ASCC1: variants seen among roughly 807,000 people sequenced by gnomAD.
ASCC1 encodes the protein activating signal cointegrator 1 complex subunit 1.
In ASCC1, 35 loss-of-function variants were observed where a neutral mutation model predicts 46.6. The observed-to-expected ratio is 0.75, with a 90% CI of 0.57 to 0.99. ASCC1 has a LOEUF of 0.99. ASCC1 is among the 50% of genes least tolerant of loss of function. The pLI, the probability that ASCC1 is intolerant of heterozygous loss-of-function variation, is 0.00. For missense variants in ASCC1, 376 were observed against 428.7 expected, an observed-to-expected ratio of 0.88 and a Z score of 1.09; for synonymous variants, 143 against 146.6, an observed-to-expected ratio of 0.98 and a Z score of 0.18.
chr10:72,119,523 C>T (rs1374067213), intron 9 of ASCC1, among the ~76,000 whole-genome samples: 1 of 152,086 alleles, frequency 6.6e-6, no homozygotes, highest in African/African-American at 2.4e-5. Context: ...TTCCACCTAA[C>T]GGGGGTGATG....
intron 7 of ASCC1, among the ~76,000 whole-genome samples, chr10:72,149,417 G>A (rs190604804): frequency 7.9e-4 from 98 of 123,518 alleles, no homozygotes; most frequent in African/African-American, 2.6e-3. Context: ...CCGCCTGGGC[G>A]ACAGAGCGAG....
chr10:72,197,008 G>C lies in ASCC1; in HGVS notation c.311-19C>G, dbSNP rs1486516114. On this transcript the variant is annotated intron_variant, in intron 4 of 9. Transcript: ENST00000672957. ...GTGATTACTGTAAACAAAGAAGAAAGGGTAAACTGCTCAAGGACCCCCAAA... is the reference window on the plus strand; with the variant it reads ...GTGATTACTGTAAACAAAGAAGAAACGGTAAACTGCTCAAGGACCCCCAAA... 3.7e-6 allele frequency: 6 copies of C among 1,613,230 alleles called. No homozygotes were observed. The Admixed American group carries it at 8.3e-5, about 22-fold the overall frequency.
intron 5 of ASCC1, among the ~76,000 whole-genome samples, chr10:72,169,439 C>CA (rs747376205): frequency 2.5e-4 from 37 of 148,114 alleles, no homozygotes; most frequent in South Asian, 2.1e-4. Context: ...GATCCTGTCT[C>CA]AAAAAAAAAG....
intron 6 of ASCC1, among the ~76,000 whole-genome samples, chr10:72,155,419 G>A (rs1167927211): frequency 6.6e-6 from 1 of 152,112 alleles, no homozygotes. Context: ...TGAATTCACT[G>A]GAAAAAGGCA....
intron 1 of ASCC1, among the ~76,000 whole-genome samples, chr10:72,215,446 CAAG>C (rs1652334469): frequency 6.6e-6 from 1 of 152,042 alleles, no homozygotes. Flanking sequence ...CTTACAGAAC[CAAG>C]AAGAGGTTTC....
At chr10:72,188,548 GAAGT>G (rs991358364) in intron 5 of ASCC1, among the ~76,000 whole-genome samples, 2 of 152,120 alleles carry the variant, frequency 1.3e-5, no homozygotes, top group African/African-American at 2.4e-5. Context: ...AAAGGGAAGG[GAAGT>G]AAGGAAGGAA....
intron 5 of ASCC1, among the ~76,000 whole-genome samples, chr10:72,179,608 C>A (rs1482462298): frequency 6.6e-6 from 1 of 152,204 alleles, no homozygotes; most frequent in Non-Finnish European, 1.5e-5. Flanking sequence ...CTAGCTGTGG[C>A]ACCTTAGGCA....
chr10:72,165,570 G>C (rs1850234755), intron 5 of ASCC1, among the ~76,000 whole-genome samples: 1 of 152,200 alleles, frequency 6.6e-6, no homozygotes, highest in Non-Finnish European at 1.5e-5. Flanking sequence ...TCCTGTTCTT[G>C]GTTTACCTAA....
chr10:72,212,259 G>A (rs752853057), intron 2 of ASCC1: 1 of 191,072 alleles, frequency 5.2e-6, no homozygotes, highest in South Asian at 6.6e-5. Context: ...GTTGCAGAGA[G>A]CCCAGATCAC....
At chr10:72,153,689 G>A (rs1233743607) in intron 6 of ASCC1, among the ~76,000 whole-genome samples, 1 of 151,542 alleles carries the variant, frequency 6.6e-6, no homozygotes, top group Admixed American at 6.6e-5. Context: ...GCCTCCCAAA[G>A]TGCTGGGATT....
Position 72,096,593 on chromosome 10 carries a change from G to A in ASCC1, c.*741C>T. Reference sequence around the variant, plus strand: ...GGGTGGTAAAGGAATTAAAGGCAGAGTCTCAAAGAGATATTTGCACCCCCG... The same window carrying A: ...GGGTGGTAAAGGAATTAAAGGCAGAATCTCAAAGAGATATTTGCACCCCCG... On this transcript the variant is annotated 3_prime_UTR_variant, in exon 10 of 10. Coordinates refer to ENST00000672957, the MANE Select transcript of ASCC1 (RefSeq NM_001198800.3). 2.2e-6 allele frequency: 1 copy of A among 453,796 alleles called. No homozygotes were observed. Among genetic ancestry groups the A allele is most frequent in the South Asian group, 1.6e-5 (1 of 64,466 alleles). 28.1% of individuals were successfully genotyped at this position (453,796 alleles called of 1,614,324 possible). A position where few individuals can be genotyped will look rare whatever the true frequency, so the allele number is the denominator to read the frequency against.
intron 9 of ASCC1, among the ~76,000 whole-genome samples, chr10:72,109,347 T>G (rs1266247360): frequency 6.6e-6 from 1 of 152,156 alleles, no homozygotes; most frequent in African/African-American, 2.4e-5. Flanking sequence ...GGCTTGTGTG[T>G]CCCCAGAGCC....
chr10:72,160,125 C>T (rs969904479), intron 6 of ASCC1, among the ~76,000 whole-genome samples: 3 of 152,034 alleles, frequency 2.0e-5, no homozygotes, highest in Admixed American at 6.6e-5. Context: ...AGGATGATCT[C>T]GATCTCCTGA....
intron 1 of ASCC1, among the ~76,000 whole-genome samples, chr10:72,215,607 T>C (rs981799279): frequency 6.7e-6 from 1 of 149,050 alleles, no homozygotes; most frequent in African/African-American, 2.5e-5. Context: ...AGGAAAAGCT[T>C]AAAAAAAAAA....
chr10:72,193,480 CA>C (rs1564733138), intron 5 of ASCC1, among the ~76,000 whole-genome samples: 1 of 147,212 alleles, frequency 6.8e-6, no homozygotes, highest in East Asian at 2.0e-4. Context: ...ACACACACAC[CA>C]CACACACACA....
Position 72,134,837 on chromosome 10 carries a change from C to G in ASCC1, c.747-1656G>C, listed in dbSNP as rs186196664. Among the ~76,000 whole-genome samples, 115 of 152,282 alleles carry G rather than the reference C, an allele frequency of 7.6e-4. 1 individual carries two copies. The Middle Eastern group carries it at 0.01, about 14-fold the overall frequency. On this transcript the variant is annotated intron_variant, in intron 7 of 9. Coordinates refer to ENST00000672957, the MANE Select transcript of ASCC1 (RefSeq NM_001198800.3). ...ATTACAAGGGGGAAAAAAGGAATAACCGTACAGTACAACACTCGAGAAAAG... is the reference window on the plus strand; with the variant it reads ...ATTACAAGGGGGAAAAAAGGAATAAGCGTACAGTACAACACTCGAGAAAAG...
chr10:72,121,307 C>T (rs1844171749), intron 9 of ASCC1, among the ~76,000 whole-genome samples: 1 of 151,966 alleles, frequency 6.6e-6, no homozygotes, highest in African/African-American at 2.4e-5. Flanking sequence ...CCATGCCCAG[C>T]TAATTTTTTT....
chr10:72,165,902 T>A (rs1473136397), intron 5 of ASCC1, among the ~76,000 whole-genome samples: 2 of 152,208 alleles, frequency 1.3e-5, no homozygotes, highest in Non-Finnish European at 2.9e-5. Context: ...TCCCCAGCAA[T>A]AACGGTAATA....
chr10:72,138,600 C>CTTTTTTTTTTTT (rs1011535460), intron 7 of ASCC1, among the ~76,000 whole-genome samples: 190 of 104,480 alleles, frequency 1.8e-3, no homozygotes, highest in Non-Finnish European at 2.6e-3. Context: ...TTCTTTCTTT[C>CTTTTTTTTTTTT]TTTTTTTTTT....
Sources: allele counts gnomAD v4.1 joint callset (sites outside exome capture counted in the v4.1 genomes callset), GRCh38; gene constraint gnomAD v4.1.1; transcripts MANE v1.5; gene names NCBI Gene and HGNC (gene_info 2026-07-23, HGNC 2026-07-21).